Variants in GUCY2F observed in about 807,000 individuals in gnomAD.
The protein encoded by GUCY2F is retinal guanylyl cyclase 2.
Under a neutral mutation model 73.1 loss-of-function variants are expected in GUCY2F, and 61 were observed. The observed-to-expected ratio is 0.83, with a 90% CI of 0.68 to 1.03. The LOEUF (loss-of-function observed/expected upper bound fraction) is 1.03, where lower values mean the gene tolerates loss of function less well. GUCY2F is among the 50% of genes least tolerant of loss of function. The probability of loss-of-function intolerance (pLI) is 0.00; values close to 1 mark genes in which losing one functional copy is unlikely to be tolerated. For synonymous variants in GUCY2F, 331 were observed against 307.8 expected, an observed-to-expected ratio of 1.08 and a Z score of -0.79; for missense variants, 912 against 854.3, an observed-to-expected ratio of 1.07 and a Z score of -0.84.
intron 4 of GUCY2F, among the ~76,000 whole-genome samples, chrX:109,453,070 G>T (rs1277719047): frequency 8.9e-6 from 1 of 111,921 alleles, no homozygotes; most frequent in African/African-American, 3.2e-5. Context: ...TTCAATGGGA[G>T]TTCAGAGAGG....
chrX:109,398,645 C>T lies in GUCY2F; in HGVS notation c.2179G>A (p.Gly727Ser), dbSNP rs767127932. 1.7e-6 allele frequency: 2 copies of T among 1,208,033 alleles called. No homozygotes were observed. The highest frequency in any genetic ancestry group is 5.9e-5 in the East Asian group (2 of 33,733). The part of the protein sequence containing the change: ...LLRAPRGSRL[G>S]SFAGDVYSFA... ...CTATAGACATCTCCTGCAAAAGAAC[C>T]TAACCTGCTGCCTCTTGGAGCTCTC... is the stretch of plus-strand genomic sequence containing the variant. Residue 727 changes from glycine (G) to serine (S), a missense_variant, in exon 11 of 20, where the codon GGT becomes AGT. Gly to Ser is a moderately conservative substitution (Grantham distance 56). Transcript: ENST00000218006.
At position 109,391,194 on chromosome X, in the gene GUCY2F, AG is replaced by A. The variant is rs200859975; in HGVS notation, c.2781+716del. On this transcript the variant is annotated intron_variant, in intron 14 of 19. Coordinates refer to ENST00000218006, the MANE Select transcript of GUCY2F (RefSeq NM_001522.3). ...GAGACAAGACAACATATGTAAAAAA[AG>A]GTAAGGAGGCATGGCATCAAAATTA... 1.9e-3 allele frequency among the ~76,000 whole-genome samples: 215 copies of A among 111,949 alleles called. 5 individuals carry two copies. In the East Asian group the frequency reaches 0.052, roughly 27 times the overall value.
intron 18 of GUCY2F, 37 bp from the exon 19 acceptor site, chrX:109,376,023 A>C (rs765807790): frequency 8.6e-7 from 1 of 1,164,422 alleles, no homozygotes; most frequent in South Asian, 1.8e-5. Context: ...GGTAGTGAAG[A>C]AAGTGTGGCA....
In GUCY2F at chrX:109,431,906, G is replaced by GAA. The variant is rs747439751; in HGVS notation, c.1702-1512_1702-1511dup. ...GGCCCTCAGAGACCTTCAGCAGCTG[G>GAA]AAAAAAAAAAAAAAAAGAAAAAAAA... On this transcript the variant is annotated intron_variant, in intron 7 of 19. Transcript: ENST00000218006. 8.2e-4 allele frequency among the ~76,000 whole-genome samples: 65 copies of GAA among 79,121 alleles called. No individual in the cohort carries two copies. In the East Asian group the frequency reaches 9.6e-3, roughly 12 times the overall value. 68.7% of individuals were successfully genotyped at this position (79,121 alleles called of 115,157 possible).
intron 10 of GUCY2F, among the ~76,000 whole-genome samples, chrX:109,399,517 T>C (rs999885287): frequency 1.7e-4 from 19 of 112,196 alleles, no homozygotes; most frequent in East Asian, 1.4e-3. Context: ...TGTCAGAAAT[T>C]TTTCTTGGGT....
intron 1 of GUCY2F, 77 bp from the exon 2 acceptor site, chrX:109,476,098 CAA>C (rs35170259): frequency 0.022 from 6,002 of 270,768 alleles, 14 homozygotes; most frequent in East Asian, 0.062. Flanking sequence ...GAAAGAATGG[CAA>C]AAAAAAAAAA....
At chrX:109,408,500 A>G (rs1440324685) in intron 9 of GUCY2F, among the ~76,000 whole-genome samples, 2 of 112,058 alleles carry the variant, frequency 1.8e-5, no homozygotes, top group African/African-American at 6.5e-5. Flanking sequence ...ATGTGAGGAC[A>G]TGAGACTTGG....
chrX:109,423,001 T>C (rs991749663), intron 8 of GUCY2F, among the ~76,000 whole-genome samples: 3 of 112,482 alleles, frequency 2.7e-5, no homozygotes, highest in South Asian at 7.3e-4. Flanking sequence ...TTTCCACTTA[T>C]ATGATGTTTT....
chrX:109,447,501 C>A (rs1932042734), intron 6 of GUCY2F, among the ~76,000 whole-genome samples: 1 of 108,745 alleles, frequency 9.2e-6, no homozygotes, highest in African/African-American at 3.4e-5. Flanking sequence ...TGGAAACCAT[C>A]ATTCTCGGCA....
rs59884345 is a variant in GUCY2F at position 109,423,578 on chromosome X, C to CT, written c.1791+6728dup. 6.7e-3 allele frequency among the ~76,000 whole-genome samples: 646 copies of CT among 95,991 alleles called. 2 individuals are homozygous for CT. The highest frequency in any genetic ancestry group is 9.8e-3 in the Non-Finnish European group (462 of 47,304). 83.4% of individuals were successfully genotyped at this position (95,991 alleles called of 115,157 possible). On this transcript the variant is annotated intron_variant, in intron 8 of 19. Coordinates refer to ENST00000218006, the MANE Select transcript of GUCY2F (RefSeq NM_001522.3). Reference sequence around the variant, plus strand: ...TATTTTGCATATGTTTCTTCTTTTCCTTTTTTTTTTTTTGGTTTGGTAGCG... The same window carrying CT: ...TATTTTGCATATGTTTCTTCTTTTCCTTTTTTTTTTTTTTGGTTTGGTAGCG...
At position 109,388,758 on chromosome X, in the gene GUCY2F, T is replaced by C. The variant is rs1385733945; in HGVS notation, c.2782-95A>G. The stretch of plus-strand genomic sequence containing the variant: ...GTATAATGGAGGCCAGGTGGTCTTG[T>C]TGTAAAGTGAGAAAGGCAGAGAGGG... On this transcript the variant is annotated intron_variant, in intron 14 of 19. Coordinates refer to ENST00000218006, the MANE Select transcript of GUCY2F (RefSeq NM_001522.3). The C allele has an allele frequency of 2.2e-5, 12 of 542,767 alleles. No homozygotes were observed. In the South Asian group the frequency reaches 2.5e-4, roughly 11 times the overall value. 44.7% of individuals were successfully genotyped at this position (542,767 alleles called of 1,213,427 possible).
In GUCY2F at chrX:109,393,910, T is replaced by C. The variant is rs777108634; in HGVS notation, c.2425-855A>G. 2.7e-5 allele frequency among the ~76,000 whole-genome samples: 3 copies of C among 112,205 alleles called. No homozygotes were observed. In the South Asian group the frequency reaches 1.1e-3, roughly 42 times the overall value. On this transcript the variant is annotated intron_variant, in intron 12 of 19. Coordinates refer to ENST00000218006, the MANE Select transcript of GUCY2F (RefSeq NM_001522.3). Reference sequence around the variant, plus strand: ...GGGCTCTGTCCCAGTGAACCTCTTATATATAGCTGGGCCACACATGCTCCA... The same window carrying C: ...GGGCTCTGTCCCAGTGAACCTCTTACATATAGCTGGGCCACACATGCTCCA...
At position 109,398,614 on chromosome X, in the gene GUCY2F, G is replaced by C; in HGVS notation, c.2210C>G (p.Ala737Gly). The C allele has an allele frequency of 8.3e-7, 1 of 1,206,867 alleles. No homozygotes were observed. The highest frequency in any genetic ancestry group is 1.1e-6 in the Non-Finnish European group (1 of 891,290). ...GSFAGDVYSF[A>G]IIMQEVMVRG... The stretch of plus-strand genomic sequence containing the variant: ...GACCATCACTTCTTGCATGATGATG[G>C]CAAAGCTATAGACATCTCCTGCAAA... The change falls in exon 11 of 20, where the codon GCC becomes GGC. Residue 737 changes from alanine to glycine, a missense_variant. Transcript: ENST00000218006.
intron 11 of GUCY2F, among the ~76,000 whole-genome samples, chrX:109,396,835 T>G (rs1930722858): frequency 8.9e-6 from 1 of 112,332 alleles, no homozygotes; most frequent in Non-Finnish European, 1.9e-5. Flanking sequence ...GTGCTCTCAG[T>G]ACAACAGATT....
intron 7 of GUCY2F, among the ~76,000 whole-genome samples, chrX:109,434,012 C>T (rs1397981816): frequency 1.8e-5 from 2 of 109,811 alleles, no homozygotes; most frequent in East Asian, 2.8e-4. Context: ...AGATGGTTGA[C>T]GGAAGGGAGG....
At chrX:109,447,458 A>T (rs1250549604) in intron 6 of GUCY2F, among the ~76,000 whole-genome samples, 1 of 108,942 alleles carries the variant, frequency 9.2e-6, no homozygotes. Context: ...AAAAATGATG[A>T]GTTCATGTCC....
intron 1 of GUCY2F, among the ~76,000 whole-genome samples, chrX:109,476,395 GCATTATATT>G (rs1932696289): frequency 8.9e-6 from 1 of 112,182 alleles, no homozygotes; most frequent in South Asian, 3.7e-4. Flanking sequence ...CAAGTCATTG[GCATTATATT>G]AGACATAGTA....
intron 8 of GUCY2F, 77 bp downstream of exon 8, chrX:109,430,229 TA>T: frequency 1.6e-6 from 1 of 615,707 alleles, no homozygotes; most frequent in South Asian, 2.5e-5. Context: ...GGGGTCTTCC[TA>T]AACAGCTCTG....
intron 1 of GUCY2F, 65 bp from the exon 2 acceptor site, chrX:109,476,086 G>T: frequency 3.2e-5 from 12 of 376,871 alleles, no homozygotes; most frequent in Non-Finnish European, 4.1e-5. Context: ...ATCATCGGTT[G>T]TGAAAGAATG....
Sources: gnomAD v4.1 joint callset for allele counts (sites outside exome capture counted in the v4.1 genomes callset) on GRCh38, gnomAD v4.1.1 for gene constraint, MANE v1.5 for transcripts, NCBI Gene and HGNC (gene_info 2026-07-23, HGNC 2026-07-21) for gene names.